OGDH: variants seen among roughly 807,000 people sequenced by gnomAD.
OGDH encodes 2-oxoglutarate dehydrogenase complex component E1.
OGDH carries 38 observed loss-of-function variants against 116.6 expected under a neutral mutation model. The ratio of observed to expected loss-of-function variants is 0.33; its 90% confidence interval spans 0.25 to 0.43. The LOEUF is 0.43. Among genes scored for constraint, OGDH ranks in the 20% least tolerant of loss-of-function variants. OGDH has a pLI of 1.00. For missense variants in OGDH, 825 were observed against 1,357.2 expected, an observed-to-expected ratio of 0.61 and a Z score of 6.16; for synonymous variants, 488 against 533.3, an observed-to-expected ratio of 0.92 and a Z score of 1.17.
At chr7:44,675,918 G>C (rs906816104) in intron 8 of OGDH, 52 bp from the exon 9 acceptor site, 1 of 1,586,244 alleles carries the variant, frequency 6.3e-7, no homozygotes, top group Non-Finnish European at 8.6e-7. Context: ...GGCTCTTTTG[G>C]AGACTGAGCA....
At chr7:44,616,628 TACAC>T (rs1554296475) in intron 1 of OGDH, among the ~76,000 whole-genome samples, 1 of 149,332 alleles carries the variant, frequency 6.7e-6, no homozygotes, top group Non-Finnish European at 1.5e-5. Flanking sequence ...TATATATATA[TACAC>T]ATGTTTATGT....
intron 4 of OGDH, among the ~76,000 whole-genome samples, chr7:44,648,392 C>A (rs1177738973): frequency 1.3e-5 from 2 of 152,186 alleles, no homozygotes; most frequent in Admixed American, 6.5e-5. Flanking sequence ...ACCTACACCC[C>A]CTCCTCCTCA....
chr7:44,607,535 T>C (rs1300151143), intron 1 of OGDH, among the ~76,000 whole-genome samples: 1 of 152,130 alleles, frequency 6.6e-6, no homozygotes, highest in African/African-American at 2.4e-5. Flanking sequence ...GGGTTTAGGA[T>C]GGGTGGCATG....
At chr7:44,620,166 A>G (rs925530826) in intron 1 of OGDH, among the ~76,000 whole-genome samples, 1 of 152,154 alleles carries the variant, frequency 6.6e-6, no homozygotes, top group African/African-American at 2.4e-5. Flanking sequence ...GACTACAGGC[A>G]TGCATGACCA....
intron 10 of OGDH, among the ~76,000 whole-genome samples, chr7:44,687,113 T>TC (rs1788165488): frequency 6.8e-6 from 1 of 147,852 alleles, no homozygotes. Flanking sequence ...TTTTTTTTTT[T>TC]CTGAGATGGA....
intron 10 of OGDH, among the ~76,000 whole-genome samples, chr7:44,693,548 ACAT>A (rs1788454387): frequency 6.6e-6 from 1 of 152,224 alleles, no homozygotes; most frequent in Non-Finnish European, 1.5e-5. Context: ...GGAAAGGAAA[ACAT>A]CAGAATATTT....
In OGDH at chr7:44,708,092, C is replaced by CACCACCGCCCTCCTCGCTGT. The variant is rs1348881612; in HGVS notation, c.*94_*113dup. ...AAGAATAGTGCCTCAGCGCTGCCCA[C>CACCACCGCCCTCCTCGCTGT]ACCACCGCCCTCCTCGCTGTGCCAC... On this transcript the variant is annotated 3_prime_UTR_variant, in exon 23 of 23. Transcript: ENST00000222673. 221 of 1,484,660 alleles carry CACCACCGCCCTCCTCGCTGT rather than the reference C, an allele frequency of 1.5e-4. No individual in the cohort carries two copies. The African/African-American group carries it at 2.6e-3, about 18-fold the overall frequency. 92.0% of individuals were successfully genotyped at this position (1,484,660 alleles called of 1,614,324 possible). A position where few individuals can be genotyped will look rare whatever the true frequency, so the allele number is the denominator to read the frequency against.
intron 4 of OGDH, among the ~76,000 whole-genome samples, chr7:44,662,834 A>G (rs1376775579): frequency 1.3e-5 from 2 of 152,176 alleles, no homozygotes; most frequent in Non-Finnish European, 2.9e-5. Flanking sequence ...CCCTATAGGT[A>G]AAGTGTCACT....
chr7:44,682,157 G>A (rs954470599), intron 10 of OGDH, among the ~76,000 whole-genome samples: 2 of 152,132 alleles, frequency 1.3e-5, no homozygotes, highest in South Asian at 2.1e-4. Flanking sequence ...CACTTTGGGA[G>A]GCCGAGGCAG....
chr7:44,658,090 C>T (rs1316353132), intron 4 of OGDH, among the ~76,000 whole-genome samples: 1 of 152,138 alleles, frequency 6.6e-6, no homozygotes, highest in Non-Finnish European at 1.5e-5. Flanking sequence ...ATTCAAGGGC[C>T]TTTTCCTTCT....
intron 12 of OGDH, among the ~76,000 whole-genome samples, chr7:44,695,251 A>C (rs1788530848): frequency 1.3e-5 from 2 of 152,064 alleles, no homozygotes; most frequent in South Asian, 4.1e-4. Flanking sequence ...GCGAGCCACC[A>C]CGCCTAGCTA....
chr7:44,646,762 AG>A (rs1562637457), intron 3 of OGDH, among the ~76,000 whole-genome samples: 1 of 152,120 alleles, frequency 6.6e-6, no homozygotes, highest in Non-Finnish European at 1.5e-5. Flanking sequence ...GTGGTGTAGC[AG>A]GGTTTTTTTG....
At position 44,645,208 on chromosome 7, in the gene OGDH, C is replaced by G. The variant is rs1585276152; in HGVS notation, c.223-119C>G. 8 of 874,144 alleles carry G rather than the reference C, an allele frequency of 9.2e-6. No homozygotes were observed. In the East Asian group the frequency reaches 2.0e-4, roughly 21 times the overall value. The allele number at this position is 874,144 out of a possible 1,614,324, so 54.1% of individuals were successfully genotyped here. ...AGAGACCCCACTGTCCAGGAGGAAG[C>G]AGGCTCAGCCAGCCTATGGTAGACT... On this transcript the variant is annotated intron_variant, in intron 2 of 22. Coordinates refer to ENST00000222673, the MANE Select transcript of OGDH (RefSeq NM_002541.4).
At chr7:44,660,807 A>T (rs1201936567) in intron 4 of OGDH, among the ~76,000 whole-genome samples, 3 of 152,144 alleles carry the variant, frequency 2.0e-5, no homozygotes, top group African/African-American at 7.2e-5. Context: ...GCGTGCCTGT[A>T]GTCCTAGCCA....
chr7:44,628,689 A>G (rs1023546569), intron 2 of OGDH, among the ~76,000 whole-genome samples: 27 of 151,794 alleles, frequency 1.8e-4, no homozygotes, highest in Admixed American at 1.8e-3. Context: ...GGCTCAAGCA[A>G]TCCTCCCAGC....
chr7:44,637,062 C>T (rs1013112610), intron 2 of OGDH, among the ~76,000 whole-genome samples: 1 of 152,112 alleles, frequency 6.6e-6, no homozygotes, highest in Non-Finnish European at 1.5e-5. Flanking sequence ...TCCTTAATCT[C>T]CCATATTCTT....
chr7:44,633,117 G>T (rs1422492330), intron 2 of OGDH, among the ~76,000 whole-genome samples: 1 of 151,692 alleles, frequency 6.6e-6, no homozygotes, highest in African/African-American at 2.4e-5. Context: ...GCCGGGCATG[G>T]TGGCGCACCC....
intron 18 of OGDH, among the ~76,000 whole-genome samples, chr7:44,698,840 T>TA (rs750560729): frequency 0.029 from 3,677 of 127,698 alleles, 66 homozygotes; most frequent in African/African-American, 0.055. Flanking sequence ...TACCCTGTCT[T>TA]AAAAAAAAAA....
chr7:44,653,984 A>G (rs1319267995), intron 4 of OGDH, among the ~76,000 whole-genome samples: 1 of 151,786 alleles, frequency 6.6e-6, no homozygotes. Context: ...CCTCCCACAT[A>G]ACTGGGATTA....
Sources: allele counts gnomAD v4.1 joint callset (sites outside exome capture counted in the v4.1 genomes callset), GRCh38; gene constraint gnomAD v4.1.1; transcripts MANE v1.5; gene names NCBI Gene and HGNC (gene_info 2026-07-23, HGNC 2026-07-21).